Variants in KLF13 observed in about 807,000 individuals in gnomAD.
The protein encoded by KLF13 is Krueppel-like factor 13.
KLF13 carries 8 observed loss-of-function variants against 16.7 expected under a neutral mutation model. The observed-to-expected ratio is 0.48, with a 90% CI of 0.28 to 0.87. The LOEUF (loss-of-function observed/expected upper bound fraction) is 0.87, where lower values mean the gene tolerates loss of function less well. Among genes scored for constraint, KLF13 ranks in the 40% least tolerant of loss-of-function variants. The pLI is 0.10. For synonymous variants in KLF13, 245 were observed against 208.4 expected (o/e 1.18, Z -1.51); for missense variants, 447 against 452.2 (o/e 0.99, Z 0.10).
chr15:31,330,474 A>G (rs2038808898), intron 1 of KLF13, among the ~76,000 whole-genome samples: 1 of 152,180 alleles, frequency 6.6e-6, no homozygotes, highest in African/African-American at 2.4e-5. Context: ...ATCTCCCTGC[A>G]ACTTGGTGAT....
Position 31,327,124 on chromosome 15 carries a change from G to GC in KLF13, c.-83dup, listed in dbSNP as rs1001498278. On this transcript the variant is annotated 5_prime_UTR_variant, in exon 1 of 2. Coordinates refer to ENST00000307145, the MANE Select transcript of KLF13 (RefSeq NM_015995.4). ...CGAGGAGAGGGCGCGCCGCGCCCCC[G>GC]CCCCCCGCCCGCTCTCCCGAGGCCG... 2 of 309,802 alleles carry GC rather than the reference G, an allele frequency of 6.5e-6. No individual in the cohort carries two copies. Among genetic ancestry groups the GC allele is most frequent in the South Asian group, 7.4e-5 (1 of 13,572 alleles). The allele number at this position is 309,802 out of a possible 1,614,324, so 19.2% of individuals were successfully genotyped here.
chr15:31,363,441 G>A (rs1407799268), intron 1 of KLF13, among the ~76,000 whole-genome samples: 1 of 152,206 alleles, frequency 6.6e-6, no homozygotes, highest in African/African-American at 2.4e-5. Context: ...TGTTTATGGT[G>A]ACTTTGTTCA....
intron 1 of KLF13, among the ~76,000 whole-genome samples, chr15:31,369,823 G>A (rs1435829105): frequency 6.6e-6 from 1 of 152,158 alleles, no homozygotes; most frequent in Non-Finnish European, 1.5e-5. Flanking sequence ...TTGTCTTCAG[G>A]ATCCAGTGTG....
At chr15:31,366,930 T>C (rs1168231715) in intron 1 of KLF13, among the ~76,000 whole-genome samples, 1 of 152,258 alleles carries the variant, frequency 6.6e-6, no homozygotes, top group Non-Finnish European at 1.5e-5. Context: ...TACAGTAGGC[T>C]ATTGCAGATG....
intron 2 of KLF13, among the ~76,000 whole-genome samples, chr15:31,400,465 A>T (rs999214621): frequency 6.6e-6 from 1 of 152,140 alleles, no homozygotes; most frequent in African/African-American, 2.4e-5. Flanking sequence ...AAAGTGAGTC[A>T]GCCAGCCTTA....
chr15:31,349,188 C>T (rs1198121571), intron 1 of KLF13, among the ~76,000 whole-genome samples: 1 of 152,154 alleles, frequency 6.6e-6, no homozygotes, highest in Non-Finnish European at 1.5e-5. Flanking sequence ...CTCATGGCAG[C>T]TTTTTTGCCC....
intron 1 of KLF13, among the ~76,000 whole-genome samples, chr15:31,414,612 T>C (rs2040234712): frequency 6.6e-6 from 1 of 152,194 alleles, no homozygotes; most frequent in African/African-American, 2.4e-5. Flanking sequence ...ACAAAATATG[T>C]TGCTGGACAT....
chr15:31,343,111 G>A (rs978290810), intron 1 of KLF13, among the ~76,000 whole-genome samples: 1 of 152,234 alleles, frequency 6.6e-6, no homozygotes, highest in Non-Finnish European at 1.5e-5. Context: ...TACTGTCTCC[G>A]TGCTCTGCTC....
intron 1 of KLF13, among the ~76,000 whole-genome samples, chr15:31,434,801 TGCCGGC>T (rs2141018455): frequency 6.6e-6 from 1 of 152,314 alleles, no homozygotes; most frequent in East Asian, 1.9e-4. Flanking sequence ...CCCCCGTCAA[TGCCGGC>T]GCGCAGCAGC....
downstream of KLF13, among the ~76,000 whole-genome samples, chr15:31,378,472 A>G (rs11852488): frequency 0.015 from 2,313 of 152,210 alleles, 64 homozygotes; most frequent in African/African-American, 0.05. Flanking sequence ...TAAGTCCCCA[A>G]TGAACACTAA....
intron 1 of KLF13, among the ~76,000 whole-genome samples, chr15:31,426,317 A>G (rs2040401129): frequency 6.6e-6 from 1 of 152,240 alleles, no homozygotes; most frequent in African/African-American, 2.4e-5. Flanking sequence ...CTTAAAAAAG[A>G]TAATAGACCT....
At chr15:31,336,987 A>G (rs575020866) in intron 1 of KLF13, among the ~76,000 whole-genome samples, 2 of 152,336 alleles carry the variant, frequency 1.3e-5, no homozygotes, top group African/African-American at 2.4e-5. Context: ...TGTAAATGTG[A>G]CACACAGTCT....
intron 1 of KLF13, among the ~76,000 whole-genome samples, chr15:31,423,176 CATATAT>C (rs1555383377): frequency 9.4e-4 from 16 of 17,004 alleles, no homozygotes; most frequent in African/African-American, 1.5e-3. Context: ...TATATATATA[CATATAT>C]ACGTATATAT....
chr15:31,327,478 C>G lies in KLF13; in HGVS notation c.266C>G (p.Ala89Gly). ...APAERREGAA[A>G]RKARTPCRLP... ...GCGGAGCGCAGGGAGGGCGCCGCGGCCCGGAAGGCGAGGACCCCCTGCCGC... is the reference window on the plus strand; with the variant it reads ...GCGGAGCGCAGGGAGGGCGCCGCGGGCCGGAAGGCGAGGACCCCCTGCCGC... Residue 89 changes from alanine to glycine, a missense_variant, in exon 1 of 2, where the codon GCC becomes GGC. Physicochemically the swap from Ala to Gly is moderately conservative, Grantham distance 60 (BLOSUM62 0). Around this residue, in one of 2 missense-constraint regions of KLF13, gnomAD observed 359 missense variants for 282.8 expected, o/e 1.27. Coordinates refer to ENST00000307145, the MANE Select transcript of KLF13 (RefSeq NM_015995.4). 1 of 1,204,808 alleles carries G rather than the reference C, an allele frequency of 8.3e-7. No individual in the cohort carries two copies. The highest frequency in any genetic ancestry group is 3.7e-5 in the East Asian group (1 of 27,304). The allele number at this position is 1,204,808 out of a possible 1,614,324, so 74.6% of individuals were successfully genotyped here. A position where few individuals can be genotyped will look rare whatever the true frequency, so the allele number is the denominator to read the frequency against.
chr15:31,327,276 G>A lies in KLF13; in HGVS notation c.64G>A (p.Ala22Thr). Residue 22 changes from alanine (A) to threonine (T), a missense_variant, in exon 1 of 2, where the codon GCG (alanine) becomes ACG (threonine). Physicochemically the swap from Ala to Thr is moderately conservative, Grantham distance 58. Coordinates refer to ENST00000307145, the MANE Select transcript of KLF13 (RefSeq NM_015995.4). The part of the protein sequence containing the change: ...AECLVSMSSR[A>T]VVHGPREGPE... ...GTGCCTCGTGTCCATGTCGAGCCGCGCGGTCGTGCACGGGCCGCGGGAGGG... is the reference window on the plus strand; with the variant it reads ...GTGCCTCGTGTCCATGTCGAGCCGCACGGTCGTGCACGGGCCGCGGGAGGG... The A allele has an allele frequency of 7.3e-7, 1 of 1,368,540 alleles. No homozygotes were observed. The highest frequency in any genetic ancestry group is 9.4e-7 in the Non-Finnish European group (1 of 1,059,716). 84.8% of individuals were successfully genotyped at this position (1,368,540 alleles called of 1,614,324 possible).
intron 1 of KLF13, among the ~76,000 whole-genome samples, chr15:31,422,831 T>C (rs1336921755): frequency 6.6e-6 from 1 of 152,008 alleles, no homozygotes; most frequent in East Asian, 1.9e-4. Context: ...GGACAGGAGT[T>C]TGAGACCAGC....
At position 31,327,171 on chromosome 15, in the gene KLF13, C is replaced by T; in HGVS notation, c.-42C>T. On this transcript the variant is annotated 5_prime_UTR_variant, in exon 1 of 2. In the 5' UTR this introduces an upstream ATG that the reference lacks. Coordinates refer to ENST00000307145, the MANE Select transcript of KLF13 (RefSeq NM_015995.4). ...GCCGTGGGTGCGGATGCGCGGCTGA[C>T]GACTCGCAGCAAGAGCACCGCCGCC... 8.0e-7 allele frequency: 1 copy of T among 1,256,290 alleles called. No individual in the cohort carries two copies. Among genetic ancestry groups the T allele is most frequent in the East Asian group, 3.7e-5 (1 of 27,166 alleles). The allele number at this position is 1,256,290 out of a possible 1,614,324, so 77.8% of individuals were successfully genotyped here.
chr15:31,388,695 A>G (rs1271167474), upstream of KLF13, among the ~76,000 whole-genome samples: 7 of 148,806 alleles, frequency 4.7e-5, no homozygotes, highest in Admixed American at 3.4e-4. Flanking sequence ...TTTGGAAGTA[A>G]TTTGATTGTT....
At chr15:31,425,750 G>C (rs2040392982) in intron 1 of KLF13, among the ~76,000 whole-genome samples, 1 of 152,120 alleles carries the variant, frequency 6.6e-6, no homozygotes, top group South Asian at 2.1e-4. Context: ...GTTAGCACAT[G>C]CCTGTAATCC....
Sources: allele counts gnomAD v4.1 joint callset (sites outside exome capture counted in the v4.1 genomes callset), GRCh38; gene constraint gnomAD v4.1.1; regional missense constraint gnomAD v4.1.1; transcripts MANE v1.5; gene names NCBI Gene and HGNC (gene_info 2026-07-23, HGNC 2026-07-21).